Variants in ARHGEF37 observed in about 807,000 individuals in gnomAD.
ARHGEF37 encodes Rho guanine nucleotide exchange factor (GEF) 37.
A neutral mutation model predicts 71.1 loss-of-function variants in ARHGEF37; 55 were observed. The observed-to-expected ratio is 0.77, with a 90% CI of 0.62 to 0.97. The LOEUF (loss-of-function observed/expected upper bound fraction) is 0.97, where lower values mean the gene tolerates loss of function less well. Among genes scored for constraint, ARHGEF37 ranks in the 50% least tolerant of loss-of-function variants. The pLI is 0.00. For synonymous variants in ARHGEF37, 327 were observed against 350.6 expected (o/e 0.93, Z 0.75); for missense variants, 765 against 836.8 (o/e 0.91, Z 1.06).
intron 9 of ARHGEF37, 124 bp from the exon 10 acceptor site, chr5:149,623,888 A>G: frequency 1.5e-6 from 2 of 1,307,770 alleles, no homozygotes; most frequent in Non-Finnish European, 1.0e-6. Context: ...GCACAGGGTC[A>G]AGGTCTCAGG....
chr5:149,611,135 G>A (rs901972263), intron 4 of ARHGEF37, among the ~76,000 whole-genome samples: 1 of 152,180 alleles, frequency 6.6e-6, no homozygotes, highest in Admixed American at 6.5e-5. Context: ...AGGGCTGTGG[G>A]GAGGGCTTGG....
intron 11 of ARHGEF37, 121 bp downstream of exon 11, chr5:149,627,392 G>C: frequency 9.0e-7 from 1 of 1,107,408 alleles, no homozygotes; most frequent in Non-Finnish European, 1.3e-6. Context: ...GATGGGAGTA[G>C]GCACAGGTGA....
chr5:149,568,173 AC>A (rs1344793132), intron 1 of ARHGEF37, among the ~76,000 whole-genome samples: 1 of 152,022 alleles, frequency 6.6e-6, no homozygotes, highest in Admixed American at 6.6e-5. Context: ...GGTGTGCACC[AC>A]CACGCCTGGC....
At chr5:149,617,127 G>A (rs1168059890) in intron 5 of ARHGEF37, among the ~76,000 whole-genome samples, 1 of 152,146 alleles carries the variant, frequency 6.6e-6, no homozygotes, top group Non-Finnish European at 1.5e-5. Context: ...GACCCACCTG[G>A]GTCATGTGCT....
rs79389450 is a variant in ARHGEF37 at position 149,582,180 on chromosome 5, A to G, written c.-12+556A>G. ...CGCCAGAAACTTACAGTGGGGAAGC[A>G]GACAGCCTGCCCAGGCACTGGTTCT... On this transcript the variant is annotated intron_variant, in intron 1 of 12. Transcript: ENST00000333677. Among the ~76,000 whole-genome samples the G allele has an allele frequency of 9.7e-3, 1,480 of 152,366 alleles. 20 individuals are homozygous for G. Among genetic ancestry groups the G allele is most frequent in the African/African-American group, 0.033 (1,387 of 41,590 alleles).
intron 9 of ARHGEF37, among the ~76,000 whole-genome samples, chr5:149,623,247 C>T (rs530164938): frequency 6.6e-6 from 1 of 152,170 alleles, no homozygotes; most frequent in Non-Finnish European, 1.5e-5. Flanking sequence ...CTCCAGCAGC[C>T]CTGTGGATGG....
intron 1 of ARHGEF37, among the ~76,000 whole-genome samples, chr5:149,591,322 A>G (rs923787626): frequency 5.9e-5 from 9 of 152,112 alleles, no homozygotes; most frequent in African/African-American, 1.2e-4. Flanking sequence ...AGCTCAGTCA[A>G]TCCACCCACC....
intron 1 of ARHGEF37, among the ~76,000 whole-genome samples, chr5:149,564,935 C>T (rs551110781): frequency 1.6e-4 from 24 of 152,228 alleles, no homozygotes; most frequent in Non-Finnish European, 2.6e-4. Flanking sequence ...TACAATGCTG[C>T]CATCTTGAGG....
chr5:149,626,282 ACACACG>A lies in ARHGEF37; in HGVS notation c.1465-792_1465-787del, dbSNP rs879559521. Among the ~76,000 whole-genome samples, 998 of 139,412 alleles carry A rather than the reference ACACACG, an allele frequency of 7.2e-3. 4 individuals carry two copies. The highest frequency in any genetic ancestry group is 0.011 in the African/African-American group (385 of 34,466). The allele number at this position is 139,412 out of a possible 152,430, so 91.5% of individuals were successfully genotyped here. A position where few individuals can be genotyped will look rare whatever the true frequency, so the allele number is the denominator to read the frequency against. ...CACACACACACACACACACACACAC[ACACACG>A]CCTCTCTCAAGACATAGAGTAAATA... On this transcript the variant is annotated intron_variant, in intron 10 of 12. Transcript: ENST00000333677.
At chr5:149,599,290 A>G (rs545253325) in intron 2 of ARHGEF37, among the ~76,000 whole-genome samples, 1 of 152,172 alleles carries the variant, frequency 6.6e-6, no homozygotes, top group Non-Finnish European at 1.5e-5. Context: ...GGTGTCATGG[A>G]CACAGAGGCC....
intron 1 of ARHGEF37, among the ~76,000 whole-genome samples, chr5:149,553,037 A>G (rs372256463): frequency 1.3e-5 from 2 of 152,162 alleles, no homozygotes; most frequent in East Asian, 1.9e-4. Context: ...CAGCACTGTT[A>G]GACATCATTC....
rs1409243296 is a variant in ARHGEF37, at chr5:149,632,413, G to A, written c.*222G>A. 1 of 574,154 alleles carries A rather than the reference G, an allele frequency of 1.7e-6. No individual in the cohort carries two copies. Among genetic ancestry groups the A allele is most frequent in the Non-Finnish European group, 3.1e-6 (1 of 322,742 alleles). 35.6% of individuals were successfully genotyped at this position (574,154 alleles called of 1,614,324 possible). ...CCAGCCAGGACTGCTCATTATGTCT[G>A]CATAAAGAACTCATTCCGACCTGGG... On this transcript the variant is annotated 3_prime_UTR_variant, in exon 13 of 13. Transcript: ENST00000333677.
At chr5:149,569,374 C>G (rs1762935754) in intron 1 of ARHGEF37, among the ~76,000 whole-genome samples, 1 of 152,068 alleles carries the variant, frequency 6.6e-6, no homozygotes, top group Non-Finnish European at 1.5e-5. Flanking sequence ...GGCTGGAATG[C>G]AGCAGTGCGA....
At chr5:149,614,383 C>T (rs1277913918) in intron 4 of ARHGEF37, among the ~76,000 whole-genome samples, 1 of 152,002 alleles carries the variant, frequency 6.6e-6, no homozygotes, top group Non-Finnish European at 1.5e-5. Flanking sequence ...ACTCACCCAG[C>T]TCTGTGTATC....
chr5:149,620,250 G>A, intron 7 of ARHGEF37, 104 bp from the exon 8 acceptor site: 1 of 742,022 alleles, frequency 1.3e-6, no homozygotes, highest in South Asian at 1.8e-5. Context: ...TTGGGGGTGT[G>A]TAGAGAGCCT....
chr5:149,613,818 C>T (rs1210502713), intron 4 of ARHGEF37, among the ~76,000 whole-genome samples: 1 of 147,724 alleles, frequency 6.8e-6, no homozygotes, highest in Non-Finnish European at 1.5e-5. Context: ...GGCTGGAGTA[C>T]AGTGGTGTAA....
chr5:149,631,870 A>G, intron 12 of ARHGEF37, 112 bp from the exon 13 acceptor site: 1 of 1,057,272 alleles, frequency 9.5e-7, no homozygotes. Context: ...ACGAGCATCC[A>G]GCAATGGGGA....
At chr5:149,557,316 A>G (rs2113228103) in intron 1 of ARHGEF37, among the ~76,000 whole-genome samples, 1 of 152,336 alleles carries the variant, frequency 6.6e-6, no homozygotes, top group South Asian at 2.1e-4. Context: ...AGTGGATAAC[A>G]TCAAAGTTGT....
intron 2 of ARHGEF37, among the ~76,000 whole-genome samples, chr5:149,598,439 CCTTCCTCTTCTTTCTTCTT>C (rs754111767): frequency 0.043 from 6,323 of 147,676 alleles, 197 homozygotes; most frequent in Non-Finnish European, 0.067. Context: ...TCCTTCTTCT[CCTTCCTCTTCTTTCTTCTT>C]CCTCTTCTTT....
Sources: gnomAD v4.1 joint callset for allele counts (sites outside exome capture counted in the v4.1 genomes callset) on GRCh38, gnomAD v4.1.1 for gene constraint, MANE v1.5 for transcripts, NCBI Gene and HGNC (gene_info 2026-07-23, HGNC 2026-07-21) for gene names.